CD109: variants seen among roughly 807,000 people sequenced by gnomAD.
CD109 encodes the protein CD109 antigen.
CD109 carries 149 observed loss-of-function variants against 165.8 expected under a neutral mutation model. The ratio of observed to expected loss-of-function variants is 0.90; its 90% CI spans 0.79 to 1.03. CD109 has a LOEUF of 1.03. Among genes scored for constraint, CD109 ranks in the 50% least tolerant of loss-of-function variants. The pLI, the probability that CD109 is intolerant of heterozygous loss-of-function variation, is 0.00. For missense variants in CD109, 1,712 were observed against 1,677.8 expected (o/e 1.02, Z -0.36); for synonymous variants, 585 against 592.1 (o/e 0.99, Z 0.18).
At position 73,766,793 on chromosome 6, in the gene CD109, T is replaced by A. The variant is rs1773869420; in HGVS notation, c.1367T>A (p.Val456Asp). ...CTTGGTAGTAAAAGTAGCATGGCAG[T>A]TCATAGTCTGTTTAAGTCTCCTAGT... The part of the protein sequence containing the change: ...YFLGSKSSMA[V>D]HSLFKSPSKT... Residue 456 changes from valine to aspartate, a missense_variant, in exon 12 of 33, where the codon GTT becomes GAT. Transcript: ENST00000287097. 1.2e-6 allele frequency: 2 copies of A among 1,613,032 alleles called. No individual in the cohort carries two copies. Among genetic ancestry groups the A allele is most frequent in the African/African-American group, 2.7e-5 (2 of 74,904 alleles).
At chr6:73,775,384 A>G (rs1235921568) in intron 15 of CD109, among the ~76,000 whole-genome samples, 2 of 152,114 alleles carry the variant, frequency 1.3e-5, no homozygotes, top group African/African-American at 2.4e-5. Context: ...TATTAACTAT[A>G]TCTCTCATGT....
intron 14 of CD109, among the ~76,000 whole-genome samples, chr6:73,769,428 G>A (rs1396004728): frequency 1.3e-5 from 2 of 152,124 alleles, no homozygotes; most frequent in African/African-American, 2.4e-5. Context: ...TCTAAAGCTG[G>A]TTACAGTGTA....
At chr6:73,779,908 CCG>C (rs1274147356) in intron 15 of CD109, among the ~76,000 whole-genome samples, 1 of 151,684 alleles carries the variant, frequency 6.6e-6, no homozygotes, top group African/African-American at 2.4e-5. Context: ...TTTGAAAAAA[CCG>C]TATCTCATGG....
intron 7 of CD109, 97 bp from the exon 8 acceptor site, chr6:73,762,287 T>C: frequency 3.7e-6 from 3 of 805,942 alleles, no homozygotes; most frequent in Middle Eastern, 2.4e-4. Flanking sequence ...AATGTTAGAT[T>C]GCTAATTGCT....
intron 5 of CD109, among the ~76,000 whole-genome samples, chr6:73,748,030 C>T (rs753515188): frequency 4.8e-4 from 73 of 151,954 alleles, no homozygotes; most frequent in African/African-American, 1.4e-3. Context: ...CCACCATGCC[C>T]GGCTAATTTT....
At chr6:73,768,772 CAG>C (rs1773938499) in intron 14 of CD109, among the ~76,000 whole-genome samples, 2 of 152,116 alleles carry the variant, frequency 1.3e-5, no homozygotes, top group Admixed American at 1.3e-4. Flanking sequence ...CTAATGTGAC[CAG>C]CTTGAGTAGG....
chr6:73,699,620 ATCT>A (rs1386836616), intron 2 of CD109, among the ~76,000 whole-genome samples: 2 of 152,000 alleles, frequency 1.3e-5, no homozygotes, highest in African/African-American at 2.4e-5. Context: ...TTATTCTTAG[ATCT>A]TCTTTTGGGA....
chr6:73,762,710 G>A, intron 8 of CD109, 31 bp from the exon 9 acceptor site: 1 of 1,545,086 alleles, frequency 6.5e-7, no homozygotes. Flanking sequence ...TGCTAAAATG[G>A]TAAATAATAC....
At position 73,704,419 on chromosome 6, in the gene CD109, G is replaced by T. The variant is rs929116964; in HGVS notation, c.247+6847G>T. On this transcript the variant is annotated intron_variant, in intron 2 of 32. Coordinates refer to ENST00000287097, the MANE Select transcript of CD109 (RefSeq NM_133493.5). ...TTTTAAGCAACCCTCAACCCTAAGC[G>T]CTGGTGTTCATTTTCAGCCGCAGAG... 3.9e-5 allele frequency among the ~76,000 whole-genome samples: 6 copies of T among 152,106 alleles called. No homozygotes were observed. The East Asian group carries it at 9.6e-4, about 24-fold the overall frequency.
At chr6:73,797,797 A>G (rs973475382) in intron 23 of CD109, among the ~76,000 whole-genome samples, 1 of 152,186 alleles carries the variant, frequency 6.6e-6, no homozygotes, top group African/African-American at 2.4e-5. Context: ...AACCCAGAAC[A>G]GGATGTGTCT....
intron 15 of CD109, among the ~76,000 whole-genome samples, chr6:73,776,018 C>A (rs1251745829): frequency 6.6e-6 from 1 of 152,092 alleles, no homozygotes; most frequent in Admixed American, 6.6e-5. Context: ...ATTTATATTC[C>A]TTTGGATATA....
At chr6:73,701,534 A>G (rs1045453328) in intron 2 of CD109, among the ~76,000 whole-genome samples, 27 of 152,158 alleles carry the variant, frequency 1.8e-4, no homozygotes, top group African/African-American at 6.3e-4. Flanking sequence ...CCAAATCAAG[A>G]AAAAAGAAAT....
At chr6:73,786,126 A>G (rs7769064) in intron 20 of CD109, among the ~76,000 whole-genome samples, 91,764 of 151,950 alleles carry the variant, frequency 0.6, 28,746 homozygotes, top group East Asian at 0.84. Flanking sequence ...GAGCCACTGC[A>G]CCCGACTGCC....
chr6:73,696,744 C>T (rs1039571194), intron 1 of CD109, among the ~76,000 whole-genome samples: 3 of 152,130 alleles, frequency 2.0e-5, no homozygotes, highest in African/African-American at 7.2e-5. Flanking sequence ...AACAACAGCA[C>T]CCAATAATGG....
At position 73,809,993 on chromosome 6, in the gene CD109, A is replaced by G. The variant is rs1007803655; in HGVS notation, c.3365A>G (p.Gln1122Arg). ...TWRAEQEGGM[Q>R]FWVSSESKLS... ...TACTTTTCTCTTGCAGGTGGCATGC[A>G]ATTCTGGGTGTCATCAGAGTCCAAA... Residue 1122 changes from glutamine to arginine, a missense_variant, in exon 27 of 33, where the codon CAA becomes CGA. Gln to Arg is a conservative substitution (Grantham distance 43, BLOSUM62 1). Transcript: ENST00000287097. 1.3e-6 allele frequency: 2 copies of G among 1,586,366 alleles called. No individual in the cohort carries two copies. Among genetic ancestry groups the G allele is most frequent in the African/African-American group, 2.7e-5 (2 of 73,036 alleles).
chr6:73,787,156 A>G, intron 20 of CD109, 78 bp from the exon 21 acceptor site: 1 of 855,336 alleles, frequency 1.2e-6, no homozygotes. Context: ...ATTTGACAGT[A>G]CTTAAACTGG....
At chr6:73,764,882 C>T (rs530351496) in intron 10 of CD109, among the ~76,000 whole-genome samples, 16 of 150,814 alleles carry the variant, frequency 1.1e-4, no homozygotes, top group Middle Eastern at 7.1e-3. Context: ...TTGAATGGGT[C>T]GGTAGACGTT....
intron 16 of CD109, 114 bp downstream of exon 16, chr6:73,780,612 C>T (rs535085672): frequency 2.3e-5 from 16 of 698,978 alleles, no homozygotes; most frequent in South Asian, 1.0e-4. Context: ...GTCACTGAAG[C>T]GCAGTCTTAT....
intron 2 of CD109, among the ~76,000 whole-genome samples, chr6:73,706,840 G>A (rs1771284607): frequency 6.6e-6 from 1 of 152,182 alleles, no homozygotes; most frequent in Non-Finnish European, 1.5e-5. Context: ...GGCTGTGTTA[G>A]GAATTTACAT....
Sources: gnomAD v4.1 joint callset for allele counts (sites outside exome capture counted in the v4.1 genomes callset) on GRCh38, gnomAD v4.1.1 for gene constraint, MANE v1.5 for transcripts, NCBI Gene and HGNC (gene_info 2026-07-23, HGNC 2026-07-21) for gene names.